KLRG1: variants seen among roughly 807,000 people sequenced by gnomAD.
KLRG1 encodes killer cell lectin like receptor G1, also known as killer cell lectin-like receptor subfamily G member 1.
A neutral mutation model predicts 21.8 loss-of-function variants in KLRG1; 16 were observed. The observed-to-expected ratio is 0.73, with a 90% CI of 0.50 to 1.11. The LOEUF is 1.11. Ranked by LOEUF, KLRG1 falls within the 50% of genes most tolerant of loss-of-function variation. The pLI is 0.00. For missense variants in KLRG1, 173 were observed against 218.3 expected (o/e 0.79, Z 1.31); for synonymous variants, 69 against 75.9 (o/e 0.91, Z 0.47).
the KLRG1 span, chr12:9,107,462 A>G: frequency 1.3e-6 from 2 of 1,585,476 alleles, no homozygotes; most frequent in Admixed American, 1.7e-5. Flanking sequence ...AAATGCTGCA[A>G]CTCACTGCTT....
the KLRG1 span, chr12:9,151,757 C>T: frequency 1.9e-6 from 2 of 1,047,642 alleles, no homozygotes; most frequent in African/African-American, 1.6e-5. Flanking sequence ...TAATAAGGGA[C>T]AAATGGTCAT....
At chr12:9,158,509 T>C in the KLRG1 span, 2 of 1,614,152 alleles carry the variant, frequency 1.2e-6, no homozygotes, top group Non-Finnish European at 1.7e-6. Flanking sequence ...GATTGGGTAA[T>C]GTGTGCTTCA....
At chr12:9,020,903 C>T in the KLRG1 span, among the ~76,000 whole-genome samples, 1 of 152,136 alleles carries the variant, frequency 6.6e-6, no homozygotes, top group Admixed American at 6.5e-5. Context: ...ATAGAATGTA[C>T]TTACACAAAC....
intron 1 of KLRG1, among the ~76,000 whole-genome samples, chr12:8,977,179 C>T (rs943270904): frequency 6.7e-6 from 1 of 150,256 alleles, no homozygotes; most frequent in Non-Finnish European, 1.5e-5. Flanking sequence ...AAGTGAGTTT[C>T]TTGTAGACAT....
At chr12:9,014,994 T>TA (rs932576280), downstream of KLRG1, among the ~76,000 whole-genome samples, 78 of 150,202 alleles carry the variant, frequency 5.2e-4, no homozygotes, top group Non-Finnish European at 9.8e-4. Context: ...TAACCTCAAA[T>TA]AAAAAAACAT....
At chr12:9,168,267 G>A in the KLRG1 span, among the ~76,000 whole-genome samples, 2 of 152,132 alleles carry the variant, frequency 1.3e-5, no homozygotes, top group South Asian at 2.1e-4. Flanking sequence ...TTTCCAATCC[G>A]AGCATATAAA....
At chr12:9,125,160 C>T in the KLRG1 span, among the ~76,000 whole-genome samples, 3 of 152,202 alleles carry the variant, frequency 2.0e-5, no homozygotes, top group African/African-American at 7.2e-5. Context: ...AAGGAGCACC[C>T]GCTCCAGGGC....
the KLRG1 span, among the ~76,000 whole-genome samples, chr12:9,016,730 C>A: frequency 1.1e-4 from 16 of 152,260 alleles, 1 homozygote; most frequent in South Asian, 2.5e-3. Context: ...CCTCATGCCT[C>A]AGCCTCCTGT....
chr12:9,072,955 G>T, the KLRG1 span: 1 of 1,088,124 alleles, frequency 9.2e-7, no homozygotes, highest in Non-Finnish European at 1.3e-6. Flanking sequence ...CCCATGTGAG[G>T]GACTTTGATT....
At chr12:9,200,305 C>T in the KLRG1 span, 1 of 1,206,634 alleles carries the variant, frequency 8.3e-7, no homozygotes. Context: ...TTTGTACCTA[C>T]ATAATCCCTC....
chr12:9,115,893 C>T, the KLRG1 span: 3 of 1,478,422 alleles, frequency 2.0e-6, no homozygotes, highest in Non-Finnish European at 2.8e-6. Flanking sequence ...TGTATTGTAC[C>T]CTACTCCCTA....
the KLRG1 span, among the ~76,000 whole-genome samples, chr12:9,063,194 T>C: frequency 6.6e-6 from 1 of 152,114 alleles, no homozygotes; most frequent in Non-Finnish European, 1.5e-5. Context: ...AACAATAGGG[T>C]CTAAATAAAT....
In KLRG1 at chr12:8,983,140, G is replaced by A. The variant is rs771043655; in HGVS notation, c.-155-9066G>A. Among the ~76,000 whole-genome samples, 62 of 152,006 alleles carry A rather than the reference G, an allele frequency of 4.1e-4. 1 individual carries two copies. The highest frequency in any genetic ancestry group is 1.3e-3 in the African/African-American group (54 of 41,462). On this transcript the variant is annotated intron_variant, in intron 1 of 4. Transcript: ENST00000539240. ...TTTTAAAGAAATTAAGATGGGAAAA[G>A]AAAATAAATATAATTCTTTATATGT...
chr12:9,105,582 G>T, the KLRG1 span, among the ~76,000 whole-genome samples: 3 of 152,096 alleles, frequency 2.0e-5, no homozygotes, highest in African/African-American at 7.2e-5. Flanking sequence ...GACTTCTAGA[G>T]TCATAAAGAT....
the KLRG1 span, among the ~76,000 whole-genome samples, chr12:9,129,974 C>A: frequency 6.6e-6 from 1 of 152,190 alleles, no homozygotes; most frequent in Non-Finnish European, 1.5e-5. Context: ...TTAAACACTT[C>A]CCCTTTCTCC....
the KLRG1 span, among the ~76,000 whole-genome samples, chr12:9,055,006 G>T: frequency 2.0e-5 from 3 of 152,058 alleles, no homozygotes; most frequent in East Asian, 5.8e-4. Context: ...TTTGGATAAG[G>T]GATACGCCAC....
the KLRG1 span, chr12:9,074,518 G>T: frequency 1.3e-6 from 2 of 1,514,838 alleles, no homozygotes; most frequent in African/African-American, 1.4e-5. Context: ...CAAATCTTTT[G>T]CTACCTGAAG....
the KLRG1 span, among the ~76,000 whole-genome samples, chr12:9,060,301 C>T: frequency 5.3e-5 from 8 of 150,990 alleles, no homozygotes; most frequent in African/African-American, 1.2e-4. Context: ...GGATTACAGG[C>T]GTGAGCCATC....
At chr12:9,182,022 C>T in the KLRG1 span, 1 of 1,613,958 alleles carries the variant, frequency 6.2e-7, no homozygotes, top group Non-Finnish European at 8.5e-7. Flanking sequence ...GAGTCTCCAA[C>T]AACTTCTCCA....
Sources: allele counts gnomAD v4.1 joint callset (sites outside exome capture counted in the v4.1 genomes callset), GRCh38; gene constraint gnomAD v4.1.1; transcripts MANE v1.5; gene names NCBI Gene and HGNC (gene_info 2026-07-23, HGNC 2026-07-21).